PRIM2: variants seen among roughly 807,000 people sequenced by gnomAD.
PRIM2 encodes the protein DNA primase subunit 2.
PRIM2 carries 39 observed loss-of-function variants against 67.3 expected under a neutral mutation model. The observed-to-expected ratio is 0.58, with a 90% CI of 0.45 to 0.76. The LOEUF is 0.76. Among genes scored for constraint, PRIM2 ranks in the 30% least tolerant of loss-of-function variants. The pLI, the probability that PRIM2 is intolerant of heterozygous loss-of-function variation, is 0.00. For synonymous variants in PRIM2, 143 were observed against 198.7 expected, an observed-to-expected ratio of 0.72 and a Z score of 2.36; for missense variants, 398 against 598.7, an observed-to-expected ratio of 0.66 and a Z score of 3.50.
intron 10 of PRIM2, among the ~76,000 whole-genome samples, chr6:57,553,237 G>A (rs1482784006): frequency 6.6e-6 from 1 of 152,042 alleles, no homozygotes; most frequent in African/African-American, 2.4e-5. Context: ...GATAAGGTGT[G>A]CTTTCTATGT....
At chr6:57,607,890 T>A (rs1776591011) in intron 12 of PRIM2, among the ~76,000 whole-genome samples, 1 of 152,190 alleles carries the variant, frequency 6.6e-6, no homozygotes, top group African/African-American at 2.4e-5. Flanking sequence ...AATTGTAGCA[T>A]AGGTAGAAAG....
chr6:57,598,807 C>T (rs1279066721), intron 10 of PRIM2, among the ~76,000 whole-genome samples: 2 of 149,812 alleles, frequency 1.3e-5, no homozygotes, highest in Non-Finnish European at 3.0e-5. Flanking sequence ...TGCTCTAGCA[C>T]ATTACTGAAC....
intron 10 of PRIM2, among the ~76,000 whole-genome samples, chr6:57,546,035 A>G (rs1775284197): frequency 1.3e-5 from 2 of 152,226 alleles, no homozygotes; most frequent in African/African-American, 4.8e-5. Flanking sequence ...CCTGTCAGCC[A>G]GGATAGGGTC....
the PRIM2 span, among the ~76,000 whole-genome samples, chr6:57,298,508 G>A: frequency 6.6e-6 from 1 of 152,066 alleles, no homozygotes; most frequent in African/African-American, 2.4e-5. Context: ...GGCACAGGTG[G>A]GGCCTTCGGG....
Position 57,456,118 on chromosome 6 carries a change from C to T in PRIM2, c.694-51269C>T, listed in dbSNP as rs555638547. Among the ~76,000 whole-genome samples the T allele has an allele frequency of 1.2e-3, 189 of 152,268 alleles. 5 individuals are homozygous for T. In the East Asian group the frequency reaches 0.016, roughly 13 times the overall value. On this transcript the variant is annotated intron_variant, in intron 7 of 13. Transcript: ENST00000615550. Reference sequence around the variant, plus strand: ...TAAGAATGTTGAATATTGGCCCCCACTCTCTTTTGGCTTGTAGAGTTTCTG... The same window carrying T: ...TAAGAATGTTGAATATTGGCCCCCATTCTCTTTTGGCTTGTAGAGTTTCTG...
the PRIM2 span, among the ~76,000 whole-genome samples, chr6:57,296,353 G>A: frequency 1.3e-5 from 2 of 152,140 alleles, no homozygotes; most frequent in East Asian, 1.9e-4. Flanking sequence ...ATAGGATTGA[G>A]CAAACTAATT....
At chr6:57,543,519 G>A (rs1275072853) in intron 10 of PRIM2, among the ~76,000 whole-genome samples, 2 of 152,152 alleles carry the variant, frequency 1.3e-5, no homozygotes, top group African/African-American at 4.8e-5. Context: ...GTGAGTCTGA[G>A]CAAATATTTT....
At chr6:57,513,533 T>G (rs1774412116) in intron 8 of PRIM2, among the ~76,000 whole-genome samples, 1 of 152,108 alleles carries the variant, frequency 6.6e-6, no homozygotes, top group African/African-American at 2.4e-5. Context: ...TGTATCTTCC[T>G]CCTTTATCCC....
the PRIM2 span, among the ~76,000 whole-genome samples, chr6:57,306,360 A>G: frequency 6.6e-6 from 1 of 152,142 alleles, no homozygotes; most frequent in African/African-American, 2.4e-5. Flanking sequence ...GTGAAGCTCC[A>G]GGTAGGATGA....
chr6:57,634,657 T>TA (rs1172482663), intron 13 of PRIM2, among the ~76,000 whole-genome samples: 2 of 152,292 alleles, frequency 1.3e-5, no homozygotes, highest in Non-Finnish European at 2.9e-5. Context: ...AAAAATAAGA[T>TA]ATGAAAATTA....
the PRIM2 span, among the ~76,000 whole-genome samples, chr6:57,289,707 G>C: frequency 6.6e-6 from 1 of 152,130 alleles, no homozygotes. Flanking sequence ...GCCAAACTAA[G>C]CTTCATAAGT....
At chr6:57,246,457 C>G in the PRIM2 span, among the ~76,000 whole-genome samples, 1 of 152,166 alleles carries the variant, frequency 6.6e-6, no homozygotes, top group Non-Finnish European at 1.5e-5. Context: ...CCAATAGCTC[C>G]TCTCCAATCT....
At chr6:57,473,886 CTGTT>C (rs1205268411) in intron 7 of PRIM2, among the ~76,000 whole-genome samples, 24 of 151,380 alleles carry the variant, frequency 1.6e-4, no homozygotes, top group East Asian at 3.9e-4. Context: ...TGGGGCTCTA[CTGTT>C]TGTTTGTTTT....
chr6:57,641,572 G>A (rs1777234188), intron 13 of PRIM2, among the ~76,000 whole-genome samples: 1 of 152,114 alleles, frequency 6.6e-6, no homozygotes, highest in African/African-American at 2.4e-5. Context: ...GTGGGCCTAG[G>A]ATATGAACAG....
chr6:57,410,562 C>A (rs1373278192), intron 7 of PRIM2, among the ~76,000 whole-genome samples: 5 of 151,832 alleles, frequency 3.3e-5, no homozygotes, highest in Admixed American at 1.3e-4. Context: ...CAATTTTGAT[C>A]TTTTTCCAAA....
intron 10 of PRIM2, among the ~76,000 whole-genome samples, chr6:57,597,963 A>G (rs1156478271): frequency 6.6e-6 from 1 of 152,208 alleles, no homozygotes; most frequent in Non-Finnish European, 1.5e-5. Flanking sequence ...AAAATTGCCA[A>G]GTAATCATTC....
chr6:57,401,733 C>T (rs1253774577), intron 7 of PRIM2, among the ~76,000 whole-genome samples: 1 of 152,170 alleles, frequency 6.6e-6, no homozygotes, highest in Non-Finnish European at 1.5e-5. Flanking sequence ...TGCAATCACC[C>T]AGTGCAATCA....
chr6:57,432,119 G>C (rs1771852985), intron 7 of PRIM2, among the ~76,000 whole-genome samples: 1 of 152,126 alleles, frequency 6.6e-6, no homozygotes. Context: ...ACTGGCATTT[G>C]AGGTTTCTTT....
the PRIM2 span, among the ~76,000 whole-genome samples, chr6:57,229,657 A>G: frequency 2.0e-5 from 3 of 151,762 alleles, no homozygotes; most frequent in Admixed American, 6.6e-5. Context: ...ATGCCCAGCT[A>G]ATTTTTGTAT....
Sources: allele counts gnomAD v4.1 joint callset (sites outside exome capture counted in the v4.1 genomes callset), GRCh38; gene constraint gnomAD v4.1.1; transcripts MANE v1.5; gene names NCBI Gene and HGNC (gene_info 2026-07-23, HGNC 2026-07-21).